Variants in FBXL18 observed in about 807,000 individuals in gnomAD.
FBXL18 encodes F-box and leucine rich repeat protein 18, also known as F-box/LRR-repeat protein 18.
Under a neutral mutation model 46.0 loss-of-function variants are expected in FBXL18, and 36 were observed. The observed-to-expected ratio is 0.78, with a 90% CI of 0.60 to 1.03. The LOEUF is 1.03. Ranked by LOEUF, FBXL18 falls within the 50% of genes least tolerant of loss-of-function variation. The probability of loss-of-function intolerance (pLI) is 0.00; values close to 1 mark genes in which losing one functional copy is unlikely to be tolerated. For synonymous variants in FBXL18, 557 were observed against 465.3 expected (o/e 1.20, Z -2.54); for missense variants, 977 against 1,004.1 (o/e 0.97, Z 0.36).
In FBXL18 at chr7:5,484,557, G is replaced by C. The variant is rs932122525; in HGVS notation, c.2001-2626C>G. On this transcript the variant is annotated intron_variant, in intron 4 of 4. Coordinates refer to ENST00000382368, the MANE Select transcript of FBXL18 (RefSeq NM_024963.6). ...AGACAGGGTCTTGCTCTATCTCCCA[G>C]ACTGGAGTGCAGTGGCACAATCATA... 2.0e-5 allele frequency among the ~76,000 whole-genome samples: 3 copies of C among 150,636 alleles called. No homozygotes were observed. In the Admixed American group the frequency reaches 2.0e-4, roughly 10 times the overall value.
At chr7:5,471,856 T>C (rs972518711), downstream of FBXL18, among the ~76,000 whole-genome samples, 4 of 152,156 alleles carry the variant, frequency 2.6e-5, no homozygotes, top group African/African-American at 4.8e-5. Context: ...CTCACGCCTG[T>C]AATCCCAGCA....
chr7:5,494,628 C>T (rs1051973949), intron 3 of FBXL18, among the ~76,000 whole-genome samples: 14 of 152,114 alleles, frequency 9.2e-5, no homozygotes, highest in Non-Finnish European at 1.5e-4. Flanking sequence ...CTTTGCAGAC[C>T]GGAAGGTGGG....
intron 2 of FBXL18, among the ~76,000 whole-genome samples, chr7:5,504,035 G>A (rs1784332534): frequency 6.6e-6 from 1 of 150,796 alleles, no homozygotes; most frequent in African/African-American, 2.4e-5. Context: ...CCCTTCCTCT[G>A]CAGAGAACAA....
At chr7:5,472,834 C>T (rs531893769), downstream of FBXL18, among the ~76,000 whole-genome samples, 1 of 152,124 alleles carries the variant, frequency 6.6e-6, no homozygotes, top group Admixed American at 6.5e-5. Flanking sequence ...CCACAGTGGC[C>T]GTTCTGGACC....
intron 4 of FBXL18, among the ~76,000 whole-genome samples, chr7:5,468,250 TG>T (rs1421826090): frequency 6.6e-6 from 1 of 152,126 alleles, no homozygotes; most frequent in Non-Finnish European, 1.5e-5. Context: ...CCCAAAGTGC[TG>T]GGATTACAGG....
chr7:5,463,706 T>A (rs7458748), intron 4 of FBXL18, among the ~76,000 whole-genome samples: 25,300 of 52,796 alleles, frequency 0.48, 6,054 homozygotes, highest in East Asian at 0.58. Flanking sequence ...ATATATATAT[T>A]TATTTATTTA....
At chr7:5,482,370 G>A (rs1445185658) in intron 4 of FBXL18, among the ~76,000 whole-genome samples, 1 of 152,164 alleles carries the variant, frequency 6.6e-6, no homozygotes, top group Non-Finnish European at 1.5e-5. Context: ...CCGCAGGTGG[G>A]CCACCTCAAG....
chr7:5,466,019 T>C lies in FBXL18; in HGVS notation c.2001-18176A>G, dbSNP rs377234107. ...TTTTAGTAGAGACAAGGTTTCACCA[T>C]GTTGGGCAGGCTGGTCTTGAACTCC... is the stretch of plus-strand genomic sequence containing the variant. On this transcript the variant is annotated intron_variant and NMD_transcript_variant, in intron 4 of 6. Transcript: ENST00000415009. Among the ~76,000 whole-genome samples, 42 of 152,150 alleles carry C rather than the reference T, an allele frequency of 2.8e-4. No homozygotes were observed. The South Asian group carries it at 8.5e-3, about 31-fold the overall frequency.
rs1359357267 is a variant in FBXL18, at chr7:5,455,059, G to A, written c.2001-7216C>T. On this transcript the variant is annotated intron_variant and NMD_transcript_variant, in intron 4 of 6. Coordinates refer to the FBXL18 transcript ENST00000415009. The surrounding 1 kb of genome is among the most constrained non-coding windows in gnomAD (Gnocchi z 4.6). ...TGGCACTCCGAGTGCCACCTTCCAC[G>A]CCGTCACTTTAGGAGTTTGCTGTGA... Among the ~76,000 whole-genome samples, 1 of 152,136 alleles carries A rather than the reference G, an allele frequency of 6.6e-6. No individual in the cohort carries two copies. The highest frequency in any genetic ancestry group is 1.9e-4 in the East Asian group (1 of 5,190).
Position 5,489,901 on chromosome 7 carries a change from C to T in FBXL18, c.2000+1330G>A, listed in dbSNP as rs551511106. On this transcript the variant is annotated intron_variant, in intron 4 of 4. Coordinates refer to ENST00000382368, the MANE Select transcript of FBXL18 (RefSeq NM_024963.6). ...CAGAGGTTGCAGTGAGCTGAGATCC[C>T]GCCACTGCACTCCAGCCTGGACGAC... 46 of 1,004,626 alleles carry T rather than the reference C, an allele frequency of 4.6e-5. No individual in the cohort carries two copies. The Admixed American group carries it at 7.0e-4, about 15-fold the overall frequency. 62.2% of individuals were successfully genotyped at this position (1,004,626 alleles called of 1,614,324 possible). A position where few individuals can be genotyped will look rare whatever the true frequency, so the allele number is the denominator to read the frequency against.
At chr7:5,474,524 C>T (rs1014666001), downstream of FBXL18, among the ~76,000 whole-genome samples, 1 of 151,950 alleles carries the variant, frequency 6.6e-6, no homozygotes, top group Non-Finnish European at 1.5e-5. Context: ...CTACGTTGCC[C>T]AGGCTGCTCT....
At chr7:5,508,501 CAA>C (rs999915595) in intron 1 of FBXL18, among the ~76,000 whole-genome samples, 36 of 150,498 alleles carry the variant, frequency 2.4e-4, no homozygotes, top group Non-Finnish European at 8.9e-5. Flanking sequence ...CCCAGCTACT[CAA>C]GAGGCTGAGG....
Position 5,501,797 on chromosome 7 carries a change from C to G in FBXL18, c.472G>C (p.Asp158His). The change falls in exon 3 of 5, where the codon GAC becomes CAC. Residue 158 changes from aspartate (D) to histidine (H), a missense_variant. By Grantham distance (81) the Asp-to-His change is moderately conservative. Transcript: ENST00000382368. ...CACTCGCTGCTCAGCTGGCTGGCGT[C>G]GAAGCCGGGGCTCACGTCGATGGCC... ...SLAIDVSPGF[D>H]ASQLSSECKA... 6.4e-7 allele frequency: 1 copy of G among 1,567,938 alleles called. No homozygotes were observed. The highest frequency in any genetic ancestry group is 8.6e-7 in the Non-Finnish European group (1 of 1,156,648).
intron 1 of FBXL18, among the ~76,000 whole-genome samples, chr7:5,510,207 CA>C (rs1427538120): frequency 1.4e-4 from 21 of 145,424 alleles, no homozygotes; most frequent in African/African-American, 5.4e-4. Flanking sequence ...GAGGCTGAGG[CA>C]AGGAGAATTG....
intron 1 of FBXL18, among the ~76,000 whole-genome samples, chr7:5,512,336 TG>T (rs1784562351): frequency 7.3e-6 from 1 of 137,900 alleles, no homozygotes; most frequent in African/African-American, 2.7e-5. Flanking sequence ...AGAGTCCAGC[TG>T]GGTGCTGTGG....
chr7:5,465,384 C>T (rs137891716), intron 4 of FBXL18, among the ~76,000 whole-genome samples: 44 of 151,870 alleles, frequency 2.9e-4, no homozygotes, highest in Non-Finnish European at 5.7e-4. Flanking sequence ...TATGTTTAGT[C>T]GAGACGGGGT....
chr7:5,463,340 G>A (rs867470895), intron 4 of FBXL18, among the ~76,000 whole-genome samples: 1 of 151,850 alleles, frequency 6.6e-6, no homozygotes, highest in Non-Finnish European at 1.5e-5. Context: ...GGCCATGAGG[G>A]CTGGGGCAGT....
intron 4 of FBXL18, among the ~76,000 whole-genome samples, chr7:5,462,363 C>T (rs1035917529): frequency 6.6e-6 from 1 of 152,234 alleles, no homozygotes; most frequent in Non-Finnish European, 1.5e-5. Context: ...CAGGCATTAC[C>T]TACCCCACTG....
At chr7:5,468,701 A>G (rs1783382651) in intron 4 of FBXL18, among the ~76,000 whole-genome samples, 1 of 151,984 alleles carries the variant, frequency 6.6e-6, no homozygotes, top group African/African-American at 2.4e-5. Flanking sequence ...CCTGGGCTCA[A>G]ACGATCCTCC....
Sources: gnomAD v4.1 joint callset for allele counts (sites outside exome capture counted in the v4.1 genomes callset) on GRCh38, gnomAD v4.1.1 for gene constraint, Gnocchi (gnomAD v3.1) non-coding constraint, MANE v1.5 for transcripts, NCBI Gene and HGNC (gene_info 2026-07-23, HGNC 2026-07-21) for gene names.